Variants in KANSL1 observed in about 807,000 individuals in gnomAD.
KANSL1 encodes MLL1/MLL complex subunit KANSL1.
KANSL1 carries 22 observed loss-of-function variants against 103.6 expected under a neutral mutation model. The observed-to-expected ratio is 0.21, with a 90% CI of 0.15 to 0.30. The LOEUF (loss-of-function observed/expected upper bound fraction) is 0.30, where lower values mean the gene tolerates loss of function less well. Among genes scored for constraint, KANSL1 ranks in the 10% least tolerant of loss-of-function variants. The pLI is 1.00. For synonymous variants in KANSL1, 600 were observed against 527.6 expected, an observed-to-expected ratio of 1.14 and a Z score of -1.88; for missense variants, 1,337 against 1,399.8, an observed-to-expected ratio of 0.96 and a Z score of 0.72.
intron 11 of KANSL1, 59 bp downstream of exon 11, chr17:46,034,102 G>C (rs1015655744): frequency 2.5e-6 from 4 of 1,597,260 alleles, no homozygotes; most frequent in South Asian, 1.1e-5. Context: ...GAAGAGAAGA[G>C]GGAAAAAGGG....
At chr17:46,115,799 T>A (rs2043020855) in intron 2 of KANSL1, among the ~76,000 whole-genome samples, 1 of 152,196 alleles carries the variant, frequency 6.6e-6, no homozygotes, top group African/African-American at 2.4e-5. Flanking sequence ...GCTTTTAACA[T>A]TTACCCCAGA....
chr17:46,188,108 CCT>C (rs2047116444), intron 1 of KANSL1, among the ~76,000 whole-genome samples: 1 of 152,212 alleles, frequency 6.6e-6, no homozygotes, highest in South Asian at 2.1e-4. Flanking sequence ...ATAGTTACCC[CCT>C]GCCATACTAG....
At chr17:46,101,754 C>CAAAAAAAAAA (rs372439614) in intron 2 of KANSL1, among the ~76,000 whole-genome samples, 9 of 93,684 alleles carry the variant, frequency 9.6e-5, no homozygotes, top group Admixed American at 4.2e-4. Context: ...ACTCTGTCTA[C>CAAAAAAAAAA]AAAAAAAAAA....
intron 10 of KANSL1, chr17:46,037,405 A>G (rs1218392156): frequency 2.6e-5 from 4 of 152,238 alleles, no homozygotes; most frequent in Admixed American, 6.5e-5. Context: ...AGAGAGAACA[A>G]TGTGAATTCC....
intron 2 of KANSL1, 82 bp from the exon 3 acceptor site, chr17:46,094,783 T>C: frequency 6.6e-7 from 1 of 1,524,508 alleles, no homozygotes; most frequent in East Asian, 2.3e-5. Context: ...GGAATTTAAC[T>C]TTTAAAGGCC....
intron 6 of KANSL1, among the ~76,000 whole-genome samples, chr17:46,062,119 A>AC (rs1491567555): frequency 3.4e-4 from 10 of 29,070 alleles, no homozygotes; most frequent in Non-Finnish European, 1.2e-3. Flanking sequence ...ACAAACAAAC[A>AC]AAAAAAAAAA....
chr17:46,174,690 T>A (rs183687406), intron 1 of KANSL1, among the ~76,000 whole-genome samples: 150 of 152,308 alleles, frequency 9.8e-4, no homozygotes, highest in African/African-American at 3.2e-3. Context: ...TTGCTGTTAT[T>A]TTGAAACAGG....
intron 3 of KANSL1, among the ~76,000 whole-genome samples, chr17:46,085,609 C>T (rs2079135566): frequency 6.6e-6 from 1 of 152,196 alleles, no homozygotes; most frequent in African/African-American, 2.4e-5. Flanking sequence ...CCCACCTCAA[C>T]CCCATAAATA....
intron 1 of KANSL1, among the ~76,000 whole-genome samples, chr17:46,178,333 C>T (rs2046627308): frequency 6.6e-6 from 1 of 152,214 alleles, no homozygotes; most frequent in Non-Finnish European, 1.5e-5. Context: ...GCCTTAAAAG[C>T]TATAATTAAC....
chr17:46,167,685 T>A (rs902989550), intron 2 of KANSL1, among the ~76,000 whole-genome samples: 2 of 152,230 alleles, frequency 1.3e-5, no homozygotes, highest in Non-Finnish European at 2.9e-5. Context: ...AAAATTAATT[T>A]AAAAAACTCT....
chr17:46,110,136 A>C (rs1190876819), intron 2 of KANSL1, among the ~76,000 whole-genome samples: 4 of 152,236 alleles, frequency 2.6e-5, no homozygotes, highest in Non-Finnish European at 5.9e-5. Flanking sequence ...ATCTTCAAAA[A>C]AACCTAGCAT....
At chr17:46,128,599 T>C (rs1205800556) in intron 2 of KANSL1, among the ~76,000 whole-genome samples, 1 of 152,188 alleles carries the variant, frequency 6.6e-6, no homozygotes, top group Non-Finnish European at 1.5e-5. Flanking sequence ...AGTAGAGACC[T>C]GAACAGGGTG....
intron 2 of KANSL1, among the ~76,000 whole-genome samples, chr17:46,102,736 T>C (rs561318426): frequency 6.6e-6 from 1 of 152,380 alleles, no homozygotes; most frequent in African/African-American, 2.4e-5. Context: ...CTTCCTTCCA[T>C]TTAACAAATA....
At chr17:46,081,055 C>G (rs2078972607) in intron 4 of KANSL1, among the ~76,000 whole-genome samples, 1 of 151,490 alleles carries the variant, frequency 6.6e-6, no homozygotes, top group Non-Finnish European at 1.5e-5. Context: ...TGTGTGTGTA[C>G]AAGTGAATCT....
At position 46,031,533 on chromosome 17, in the gene KANSL1, G is replaced by T; in HGVS notation, c.3261C>A (p.Pro1087=). 2 of 1,614,072 alleles carry T rather than the reference G, an allele frequency of 1.2e-6. No individual in the cohort carries two copies. Among genetic ancestry groups the T allele is most frequent in the South Asian group, 1.1e-5 (1 of 91,070 alleles). The change falls in exon 15 of 15, where the codon CCC becomes CCA. Residue 1087 remains proline (P), a synonymous_variant. Transcript: ENST00000432791. ...CTGCCACCAGATGCCGACTCTTGAGGGGGACAATGGGAGGCGAGGTGGGCG... is the reference window on the plus strand; with the variant it reads ...CTGCCACCAGATGCCGACTCTTGAGTGGGACAATGGGAGGCGAGGTGGGCG... ...EAAPTSPPIV[P]LKSRHLVAAA...
At chr17:46,072,820 T>C (rs903703398) in intron 4 of KANSL1, among the ~76,000 whole-genome samples, 2 of 152,246 alleles carry the variant, frequency 1.3e-5, no homozygotes. Flanking sequence ...CTCATTTTTT[T>C]AAAGTTTTGA....
At chr17:46,109,586 T>C (rs9904766) in intron 2 of KANSL1, among the ~76,000 whole-genome samples, 83,196 of 151,152 alleles carry the variant, frequency 0.55, 23,075 homozygotes, top group East Asian at 0.89. Flanking sequence ...CCTCAAAGGT[T>C]GAGCTAGTTT....
intron 2 of KANSL1, among the ~76,000 whole-genome samples, chr17:46,167,359 G>C (rs938039317): frequency 6.6e-6 from 1 of 152,148 alleles, no homozygotes; most frequent in Admixed American, 6.5e-5. Flanking sequence ...ACATACATAT[G>C]ATAATTAAAT....
chr17:46,165,072 A>G (rs921495486), intron 2 of KANSL1, among the ~76,000 whole-genome samples: 1 of 152,194 alleles, frequency 6.6e-6, no homozygotes, highest in Non-Finnish European at 1.5e-5. Flanking sequence ...ACGCCACTGC[A>G]CTCCAGCCTG....
Sources: allele counts gnomAD v4.1 joint callset (sites outside exome capture counted in the v4.1 genomes callset), GRCh38; gene constraint gnomAD v4.1.1; transcripts MANE v1.5; gene names NCBI Gene and HGNC (gene_info 2026-07-23, HGNC 2026-07-21).